TUBA1C: variants seen among roughly 807,000 people sequenced by gnomAD.
TUBA1C encodes tubulin alpha 1c.
In TUBA1C, 16 loss-of-function variants were observed where a neutral mutation model predicts 34.9. The observed-to-expected ratio is 0.46, with a 90% CI of 0.31 to 0.70. The LOEUF is 0.70. Ranked by LOEUF, TUBA1C falls within the 30% of genes least tolerant of loss-of-function variation. The pLI, the probability that TUBA1C is intolerant of heterozygous loss-of-function variation, is 0.05. For synonymous variants in TUBA1C, 177 were observed against 215.9 expected (o/e 0.82, Z 1.58); for missense variants, 329 against 587.3 (o/e 0.56, Z 4.55).
chr12:49,272,898 A>G lies in TUBA1C; in HGVS notation c.1021A>G (p.Ile341Val). The stretch of plus-strand genomic sequence containing the variant: ...TGCCACCATCAAAACCAAGCGTACC[A>G]TCCAGTTTGTGGATTGGTGCCCCAC... ...AIATIKTKRT[I>V]QFVDWCPTGF... The change falls in exon 4 of 4, where the codon ATC becomes GTC. Residue 341 changes from isoleucine (I) to valine (V), a missense_variant. This residue lies in a region of TUBA1C where 140 missense variants were observed against 289.8 expected (regional missense o/e 0.48). Coordinates refer to ENST00000301072, the MANE Select transcript of TUBA1C (RefSeq NM_032704.5). The G allele has an allele frequency of 6.2e-7, 1 of 1,614,166 alleles. No homozygotes were observed. Among genetic ancestry groups the G allele is most frequent in the Non-Finnish European group, 8.5e-7 (1 of 1,180,022 alleles).
upstream of TUBA1C, among the ~76,000 whole-genome samples, chr12:49,262,216 A>T (rs1352117642): frequency 6.7e-6 from 1 of 149,970 alleles, no homozygotes; most frequent in Non-Finnish European, 1.5e-5. Flanking sequence ...GGAGTTCAAA[A>T]CCAGCCTGGG....
chr12:49,236,250 AT>A (rs1942554121), intron 1 of TUBA1C, among the ~76,000 whole-genome samples: 1 of 152,238 alleles, frequency 6.6e-6, no homozygotes, highest in South Asian at 2.1e-4. Context: ...ATTTATACAT[AT>A]ACTTCAGCAT....
At chr12:49,248,265 C>A (rs1441900246) in intron 1 of TUBA1C, among the ~76,000 whole-genome samples, 1 of 150,610 alleles carries the variant, frequency 6.6e-6, no homozygotes, top group Admixed American at 6.7e-5. Context: ...CAGAGCAAGA[C>A]TCCGTCTCAA....
chr12:49,252,069 T>C (rs978861207), intron 1 of TUBA1C, among the ~76,000 whole-genome samples: 6 of 152,020 alleles, frequency 3.9e-5, no homozygotes, highest in Non-Finnish European at 7.4e-5. Context: ...GTAAATAAAA[T>C]ATGCTACATC....
At chr12:49,266,684 A>G (rs1469906381) in intron 1 of TUBA1C, among the ~76,000 whole-genome samples, 1 of 151,932 alleles carries the variant, frequency 6.6e-6, no homozygotes, top group African/African-American at 2.4e-5. Flanking sequence ...CTCCGTCTAT[A>G]CTAAAAATAC....
chr12:49,254,141 G>A (rs1475122866), intron 1 of TUBA1C, among the ~76,000 whole-genome samples: 6 of 151,984 alleles, frequency 3.9e-5, no homozygotes, highest in East Asian at 1.9e-4. Context: ...GAGAAACCCC[G>A]TCTCTACTAA....
intron 1 of TUBA1C, among the ~76,000 whole-genome samples, chr12:49,255,972 G>A (rs981674151): frequency 6.6e-6 from 1 of 152,198 alleles, no homozygotes; most frequent in African/African-American, 2.4e-5. Flanking sequence ...GGGTGTGGTG[G>A]CACGTGCCTG....
At chr12:49,267,044 G>C (rs944052542) in intron 1 of TUBA1C, among the ~76,000 whole-genome samples, 1 of 152,136 alleles carries the variant, frequency 6.6e-6, no homozygotes, top group Non-Finnish European at 1.5e-5. Flanking sequence ...TTTTTAACGA[G>C]AGGTAAGAGC....
chr12:49,251,733 C>A (rs1942734208), intron 1 of TUBA1C, among the ~76,000 whole-genome samples: 1 of 150,410 alleles, frequency 6.6e-6, no homozygotes, highest in African/African-American at 2.5e-5. Flanking sequence ...GAGATGGCAC[C>A]ACTGCAGTCC....
intron 1 of TUBA1C, among the ~76,000 whole-genome samples, chr12:49,250,894 T>TAA (rs201829785): frequency 1.3e-5 from 2 of 151,418 alleles, no homozygotes; most frequent in African/African-American, 4.9e-5. Flanking sequence ...ATCAAGTGGT[T>TAA]AAAAAAAATG....
At chr12:49,265,844 A>G (rs1014404465) in intron 1 of TUBA1C, among the ~76,000 whole-genome samples, 2 of 152,118 alleles carry the variant, frequency 1.3e-5, no homozygotes, top group African/African-American at 4.8e-5. Flanking sequence ...CACGTCCACA[A>G]AAGGATATTT....
chr12:49,229,679 G>A (rs973472872), intron 1 of TUBA1C, among the ~76,000 whole-genome samples: 3 of 151,882 alleles, frequency 2.0e-5, no homozygotes, highest in Non-Finnish European at 4.4e-5. Flanking sequence ...ATAGAGGTGT[G>A]TGTGTGTGTG....
At chr12:49,253,914 C>T (rs183904184) in intron 1 of TUBA1C, among the ~76,000 whole-genome samples, 1 of 152,038 alleles carries the variant, frequency 6.6e-6, no homozygotes, top group Non-Finnish European at 1.5e-5. Context: ...AAGCAAGATC[C>T]CAGAGACTGT....
intron 1 of TUBA1C, 34 bp from the exon 2 acceptor site, chr12:49,269,431 T>C (rs995564472): frequency 6.2e-7 from 1 of 1,613,522 alleles, no homozygotes; most frequent in Non-Finnish European, 8.5e-7. Context: ...TCTGATGTAT[T>C]ATACCCTGAC....
intron 1 of TUBA1C, among the ~76,000 whole-genome samples, chr12:49,265,970 AAAC>A (rs1198322819): frequency 5.7e-5 from 8 of 141,290 alleles, no homozygotes; most frequent in Non-Finnish European, 1.1e-4. Context: ...AAAAAAAAAA[AAAC>A]AAAAAAAAAC....
At chr12:49,240,399 G>T (rs1942602963) in intron 1 of TUBA1C, among the ~76,000 whole-genome samples, 1 of 151,706 alleles carries the variant, frequency 6.6e-6, no homozygotes, top group Admixed American at 6.6e-5. Flanking sequence ...TTCCACAGAG[G>T]AACTGCCTTA....
In TUBA1C at chr12:49,273,916, C is replaced by G. The variant is rs1475253210; in HGVS notation, c.*689C>G. The G allele has an allele frequency of 6.5e-6, 1 of 153,782 alleles. No homozygotes were observed. Among genetic ancestry groups the G allele is most frequent in the East Asian group, 1.9e-4 (1 of 5,212 alleles). 9.5% of individuals were successfully genotyped at this position (153,782 alleles called of 1,614,324 possible). ...ACCAGCCTGGGCAACATGGTGAAAA[C>G]CCATCTCTACCAAAACAAAAATTTG... On this transcript the variant is annotated 3_prime_UTR_variant, in exon 4 of 4. Coordinates refer to ENST00000301072, the MANE Select transcript of TUBA1C (RefSeq NM_032704.5).
At chr12:49,267,016 C>G (rs970717392) in intron 1 of TUBA1C, among the ~76,000 whole-genome samples, 1 of 152,116 alleles carries the variant, frequency 6.6e-6, no homozygotes, top group Admixed American at 6.6e-5. Flanking sequence ...TAGGTGAACA[C>G]TGGTTAAATT....
intron 1 of TUBA1C, among the ~76,000 whole-genome samples, chr12:49,245,576 C>T (rs561383404): frequency 6.6e-6 from 1 of 152,170 alleles, no homozygotes; most frequent in African/African-American, 2.4e-5. Flanking sequence ...TGCACCCCAA[C>T]CTGGATGAAA....
Sources: gnomAD v4.1 joint callset for allele counts (sites outside exome capture counted in the v4.1 genomes callset) on GRCh38, gnomAD v4.1.1 for gene constraint, gnomAD v4.1.1 regional missense constraint, MANE v1.5 for transcripts, NCBI Gene and HGNC (gene_info 2026-07-23, HGNC 2026-07-21) for gene names.